The following CACNA2D4 variants were observed in gnomAD, a reference collection of about 807,000 sequenced individuals.
The protein encoded by CACNA2D4 is calcium voltage-gated channel auxiliary subunit alpha2delta 4.
Under a neutral mutation model 163.8 loss-of-function variants are expected in CACNA2D4, and 157 were observed. The ratio of observed to expected loss-of-function variants is 0.96; its 90% CI spans 0.84 to 1.09. The LOEUF (loss-of-function observed/expected upper bound fraction) is 1.09, where lower values mean the gene tolerates loss of function less well. Among genes scored for constraint, CACNA2D4 ranks in the 50% least tolerant of loss-of-function variants. The pLI is 0.00. For missense variants in CACNA2D4, 1,410 were observed against 1,479.9 expected, an observed-to-expected ratio of 0.95 and a Z score of 0.78; for synonymous variants, 598 against 586.9, an observed-to-expected ratio of 1.02 and a Z score of -0.27.
At chr12:1,893,300 G>T (rs529341787) in intron 6 of CACNA2D4, among the ~76,000 whole-genome samples, 1 of 152,020 alleles carries the variant, frequency 6.6e-6, no homozygotes, top group African/African-American at 2.4e-5. Flanking sequence ...GGTGGATCAC[G>T]AGGTCAGGAG....
At chr12:1,824,627 C>A (rs1237831537) in intron 26 of CACNA2D4, among the ~76,000 whole-genome samples, 2 of 152,214 alleles carry the variant, frequency 1.3e-5, no homozygotes, top group Non-Finnish European at 2.9e-5. Context: ...CCCCATGCTG[C>A]ACCCTGGGTA....
At chr12:1,809,157 C>A (rs1448901197) in intron 29 of CACNA2D4, among the ~76,000 whole-genome samples, 3 of 152,232 alleles carry the variant, frequency 2.0e-5, no homozygotes, top group Non-Finnish European at 4.4e-5. Flanking sequence ...TTTCCCAAGT[C>A]TCCTTCCGAC....
chr12:1,796,478 C>A lies in CACNA2D4; in HGVS notation c.3114-698G>T, dbSNP rs1033161486. Among the ~76,000 whole-genome samples the A allele has an allele frequency of 4.6e-5, 7 of 152,340 alleles. No homozygotes were observed. In the South Asian group the frequency reaches 8.3e-4, roughly 18 times the overall value. ...TTGCCCACGGTCATAAGCGGGGGAGCGCAGAGCCAGTTTTCAATTCAGGAG... is the reference window on the plus strand; with the variant it reads ...TTGCCCACGGTCATAAGCGGGGGAGAGCAGAGCCAGTTTTCAATTCAGGAG... On this transcript the variant is annotated intron_variant, in intron 35 of 37. Transcript: ENST00000382722.
At chr12:1,795,418 C>T (rs950870078) in intron 36 of CACNA2D4, 37 bp from the exon 37 acceptor site, 11 of 1,578,638 alleles carry the variant, frequency 7.0e-6, no homozygotes, top group Non-Finnish European at 9.5e-6. Flanking sequence ...ATCTCAGGAC[C>T]GGAGCCCATT....
chr12:1,819,469 C>T (rs965548866), intron 26 of CACNA2D4, among the ~76,000 whole-genome samples: 37 of 152,086 alleles, frequency 2.4e-4, no homozygotes, highest in African/African-American at 8.7e-4. Context: ...TGGCTGTGAA[C>T]CCCTCCAGCA....
At chr12:1,819,674 A>G (rs1293202259) in intron 26 of CACNA2D4, among the ~76,000 whole-genome samples, 5 of 152,070 alleles carry the variant, frequency 3.3e-5, no homozygotes, top group Non-Finnish European at 5.9e-5. Context: ...ATCTCTTAGG[A>G]TATCAATTTT....
intron 6 of CACNA2D4, among the ~76,000 whole-genome samples, chr12:1,894,735 C>T (rs1866362516): frequency 6.6e-6 from 1 of 152,014 alleles, no homozygotes; most frequent in African/African-American, 2.4e-5. Context: ...AGGAAAATAC[C>T]TCAACATAAT....
rs780113042 is a variant in CACNA2D4 at position 1,884,259 on chromosome 12, A to C, written c.1335T>G (p.Ile445Met). The C allele has an allele frequency of 6.2e-7, 1 of 1,612,314 alleles. No individual in the cohort carries two copies. Among genetic ancestry groups the C allele is most frequent in the Middle Eastern group, 1.7e-4 (1 of 6,060 alleles). Reference sequence around the variant, plus strand: ...GGCACTCACCTTTGTTGTTGCATGCAATCCACTTCATGCGGTCAGCAAAAG... The same window carrying C: ...GGCACTCACCTTTGTTGTTGCATGCCATCCACTTCATGCGGTCAGCAAAAG... Reference protein sequence around the residue: ...EVSFADRMKWIACNNKGYYTQ... With the variant: ...EVSFADRMKWMACNNKGYYTQ... The change falls in exon 12 of 38, where the codon ATT (isoleucine) becomes ATG (methionine). Residue 445 changes from isoleucine (I) to methionine (M), a missense_variant. Coordinates refer to ENST00000382722, the MANE Select transcript of CACNA2D4 (RefSeq NM_172364.5).
Position 1,874,872 on chromosome 12 carries a change from G to T in CACNA2D4, c.1807-197C>A, listed in dbSNP as rs1450403990. 6.6e-6 allele frequency among the ~76,000 whole-genome samples: 1 copy of T among 152,144 alleles called. No homozygotes were observed. The highest frequency in any genetic ancestry group is 1.5e-5 in the Non-Finnish European group (1 of 68,034). Reference sequence around the variant, plus strand: ...GCTCATAATTCCAGGCATTCACCAAGATCCCACTCCCATGTGCACTGATGC... The same window carrying T: ...GCTCATAATTCCAGGCATTCACCAATATCCCACTCCCATGTGCACTGATGC... On this transcript the variant is annotated intron_variant, in intron 17 of 37. Transcript: ENST00000382722. This position sits in a 1 kb window ranked among gnomAD's most constrained non-coding sequence, Gnocchi z 4.4.
In CACNA2D4 at chr12:1,800,048, G is replaced by A; in HGVS notation, c.2926C>T (p.Leu976=). 1 of 1,600,740 alleles carries A rather than the reference G, an allele frequency of 6.2e-7. No homozygotes were observed. The highest frequency in any genetic ancestry group is 1.1e-5 in the South Asian group (1 of 88,370). ...GAGCCCCAGACACTCCACTCCAGCA[G>A]GAACCTGTCAGACACAGGACTGAAT... The part of the protein sequence containing the change: ...RWLLQELVLF[L]LEWSVWGSWY... The change falls in exon 33 of 38, where the codon CTG becomes TTG. Residue 976 remains leucine (L), a synonymous_variant. Coordinates refer to ENST00000382722, the MANE Select transcript of CACNA2D4 (RefSeq NM_172364.5).
intron 6 of CACNA2D4, among the ~76,000 whole-genome samples, chr12:1,907,235 T>C (rs550428659): frequency 2.6e-5 from 4 of 152,376 alleles, no homozygotes; most frequent in Non-Finnish European, 5.9e-5. Context: ...GTTTCATTCA[T>C]TCATTCATTC....
chr12:1,795,906 G>T, intron 35 of CACNA2D4, 126 bp from the exon 36 acceptor site: 1 of 694,820 alleles, frequency 1.4e-6, no homozygotes, highest in South Asian at 1.6e-5. Context: ...CATGAGGCAG[G>T]GCGGGTCGGG....
chr12:1,800,669 GTGGGGT>G (rs1445825696), intron 31 of CACNA2D4: 5 of 600,044 alleles, frequency 8.3e-6, no homozygotes, highest in Non-Finnish European at 1.5e-5. Flanking sequence ...GACATCTCGG[GTGGGGT>G]TGGACATGCC....
At chr12:1,836,850 C>T (rs1035499173) in intron 26 of CACNA2D4, 1 of 152,600 alleles carries the variant, frequency 6.6e-6, no homozygotes, top group Non-Finnish European at 1.5e-5. Context: ...CACCGGTGGC[C>T]ATGATCCTGA....
rs1031150332 is a variant in CACNA2D4, at chr12:1,798,549, G to A, written c.2996-1014C>T. Among the ~76,000 whole-genome samples, 18 of 152,060 alleles carry A rather than the reference G, an allele frequency of 1.2e-4. No individual in the cohort carries two copies. Among genetic ancestry groups the A allele is most frequent in the African/African-American group, 3.6e-4 (15 of 41,396 alleles). ...AGTTTTGTCCCCAGGGCTGGGCACA[G>A]AAGCCTGCCTGACAATGGCAGGGTT... On this transcript the variant is annotated intron_variant, in intron 34 of 37. Coordinates refer to ENST00000382722, the MANE Select transcript of CACNA2D4 (RefSeq NM_172364.5). The surrounding 1 kb of genome is among the most constrained non-coding windows in gnomAD (Gnocchi z 4.3).
At chr12:1,794,573 C>CCACGGAGCCATG (rs1863057893) in intron 37 of CACNA2D4, among the ~76,000 whole-genome samples, 4 of 152,194 alleles carry the variant, frequency 2.6e-5, no homozygotes, top group Non-Finnish European at 5.9e-5. Context: ...GAGCCTGTCT[C>CCACGGAGCCATG]AGGCTCCGTG....
At chr12:1,841,902 A>G (rs1465140362) in intron 25 of CACNA2D4, among the ~76,000 whole-genome samples, 1 of 152,166 alleles carries the variant, frequency 6.6e-6, no homozygotes, top group Non-Finnish European at 1.5e-5. Context: ...TCCAATATGT[A>G]AGGTTGTCCT....
At chr12:1,846,406 C>A (rs1221243548) in intron 24 of CACNA2D4, among the ~76,000 whole-genome samples, 188 bp downstream of exon 24, 1 of 151,096 alleles carries the variant, frequency 6.6e-6, no homozygotes, top group Admixed American at 6.6e-5. Flanking sequence ...CGTAAGCCTT[C>A]GGGGAAGGGC....
At chr12:1,851,682 T>TGTGTGCG (rs56297255) in intron 23 of CACNA2D4, among the ~76,000 whole-genome samples, 1 of 28,100 alleles carries the variant, frequency 3.6e-5, no homozygotes, top group Non-Finnish European at 1.1e-4. Flanking sequence ...TGTGTGCGTT[T>TGTGTGCG]TTTTTTTTTT....
Sources: allele counts gnomAD v4.1 joint callset (sites outside exome capture counted in the v4.1 genomes callset), GRCh38; gene constraint gnomAD v4.1.1; non-coding constraint Gnocchi (gnomAD v3.1); transcripts MANE v1.5; gene names NCBI Gene and HGNC (gene_info 2026-07-23, HGNC 2026-07-21).